The following CAMSAP2 variants were observed in gnomAD, a reference collection of about 807,000 sequenced individuals.
CAMSAP2 encodes calmodulin regulated spectrin associated protein family member 2, also known as calmodulin-regulated spectrin-associated protein 2.
A neutral mutation model predicts 146.1 loss-of-function variants in CAMSAP2; 26 were observed. That is an observed-to-expected ratio of 0.18 (90% CI 0.13 to 0.25). The LOEUF is 0.25. Ranked by LOEUF, CAMSAP2 falls within the 10% of genes least tolerant of loss-of-function variation. The pLI is 1.00. For missense variants in CAMSAP2, 1,381 were observed against 1,759.3 expected, an observed-to-expected ratio of 0.78 and a Z score of 3.85; for synonymous variants, 499 against 596.6, an observed-to-expected ratio of 0.84 and a Z score of 2.38.
At chr1:200,793,485 C>T (rs1023738262) in intron 2 of CAMSAP2, among the ~76,000 whole-genome samples, 1 of 151,892 alleles carries the variant, frequency 6.6e-6, no homozygotes. Flanking sequence ...AAAAGAAATA[C>T]AATTATTTTT....
intron 2 of CAMSAP2, among the ~76,000 whole-genome samples, chr1:200,800,684 G>T (rs1303458520): frequency 6.6e-6 from 1 of 152,132 alleles, no homozygotes; most frequent in African/African-American, 2.4e-5. Context: ...ATATTGTTAT[G>T]TGTGAATTTT....
intron 2 of CAMSAP2, among the ~76,000 whole-genome samples, chr1:200,798,076 C>T (rs1230260966): frequency 6.7e-6 from 1 of 149,044 alleles, no homozygotes; most frequent in Non-Finnish European, 1.5e-5. Context: ...TTACTGTAGC[C>T]TTGTAGTATA....
chr1:200,845,291 A>ATCACAGTG (rs1667433304), intron 8 of CAMSAP2, among the ~76,000 whole-genome samples: 1 of 150,832 alleles, frequency 6.6e-6, no homozygotes, highest in Non-Finnish European at 1.5e-5. Flanking sequence ...CTATTGAGAG[A>ATCACAGTG]TCACAGTGTT....
chr1:200,743,350 C>G lies in CAMSAP2; in HGVS notation c.139+3384C>G, dbSNP rs1014963052. Reference sequence around the variant, plus strand: ...TTAGTTTAGTGATATAAAATATTTCCTATCATAAATATACCTTGTTACATT... The same window carrying G: ...TTAGTTTAGTGATATAAAATATTTCGTATCATAAATATACCTTGTTACATT... On this transcript the variant is annotated intron_variant, in intron 1 of 16. Coordinates refer to ENST00000358823, the MANE Select transcript of CAMSAP2 (RefSeq NM_203459.4). 4.3e-4 allele frequency among the ~76,000 whole-genome samples: 66 copies of G among 152,216 alleles called. 1 individual carries two copies. Among genetic ancestry groups the G allele is most frequent in the African/African-American group, 1.5e-3 (64 of 41,520 alleles).
intron 4 of CAMSAP2, among the ~76,000 whole-genome samples, chr1:200,825,389 C>T (rs775358626): frequency 6.6e-6 from 1 of 152,190 alleles, no homozygotes; most frequent in African/African-American, 2.4e-5. Flanking sequence ...GTTTCTCCTC[C>T]TTTCTAGCAC....
At chr1:200,791,653 T>C (rs1665756723) in intron 2 of CAMSAP2, among the ~76,000 whole-genome samples, 1 of 152,216 alleles carries the variant, frequency 6.6e-6, no homozygotes, top group Non-Finnish European at 1.5e-5. Flanking sequence ...TGTGGTCCCT[T>C]TCAAAGATGT....
Position 200,832,726 on chromosome 1 carries a change from A to G in CAMSAP2, c.808A>G (p.Met270Val), listed in dbSNP as rs1344617184. 2.5e-6 allele frequency: 4 copies of G among 1,601,750 alleles called. No homozygotes were observed. The highest frequency in any genetic ancestry group is 2.2e-5 in the East Asian group (1 of 44,622). Residue 270 changes from methionine (M) to valine (V), a missense_variant, in exon 6 of 17, where the codon ATG (methionine) becomes GTG (valine). Transcript: ENST00000358823. The surrounding 1 kb of genome is among the most constrained non-coding windows in gnomAD (Gnocchi z 4.2). ...TGAAGATATTTGTTTGAAAGAAACT[A>G]TGTCTTTGGCTGATAGCCTGTATAA... The part of the protein sequence containing the change: ...RLEDICLKET[M>V]SLADSLYNLQ...
At chr1:200,834,766 G>A (rs758935974) in intron 6 of CAMSAP2, among the ~76,000 whole-genome samples, 5 of 152,134 alleles carry the variant, frequency 3.3e-5, no homozygotes, top group Non-Finnish European at 7.4e-5. Flanking sequence ...AATAAAGTTA[G>A]CCAGGCGTGA....
intron 1 of CAMSAP2, among the ~76,000 whole-genome samples, chr1:200,753,298 CA>C (rs35626597): frequency 0.38 from 38,309 of 101,262 alleles, 5,919 homozygotes; most frequent in East Asian, 0.55. Context: ...AACTCCATCT[CA>C]AAAAAAAAAA....
chr1:200,824,702 G>C (rs780383031), intron 4 of CAMSAP2, among the ~76,000 whole-genome samples: 1 of 152,176 alleles, frequency 6.6e-6, no homozygotes, highest in Non-Finnish European at 1.5e-5. Flanking sequence ...CTACTGGCCG[G>C]GCATGGTGGC....
At chr1:200,806,054 CATGTT>C (rs1189971072) in intron 2 of CAMSAP2, among the ~76,000 whole-genome samples, 7 of 151,998 alleles carry the variant, frequency 4.6e-5, no homozygotes, top group African/African-American at 1.7e-4. Flanking sequence ...CCTTTATAAA[CATGTT>C]ATCAACTCCA....
chr1:200,807,545 T>C lies in CAMSAP2; in HGVS notation c.561+8T>C, dbSNP rs563943498. 10 of 1,566,122 alleles carry C rather than the reference T, an allele frequency of 6.4e-6. No individual in the cohort carries two copies. In the East Asian group the frequency reaches 2.3e-4, roughly 36 times the overall value. ...ATGTACTGGATAAATAAGGTAGGAT[T>C]ATACTCACTTGAGTAAATCGCATCT... is the stretch of plus-strand genomic sequence containing the variant. On this transcript the variant is annotated splice_region_variant and intron_variant, in intron 3 of 16. Coordinates refer to ENST00000358823, the MANE Select transcript of CAMSAP2 (RefSeq NM_203459.4).
In CAMSAP2 at chr1:200,850,967, C is replaced by T. The variant is rs145039428; in HGVS notation, c.3465+733C>T. 1.6e-3 allele frequency among the ~76,000 whole-genome samples: 243 copies of T among 152,320 alleles called. 1 individual carries two copies. Among genetic ancestry groups the T allele is most frequent in the African/African-American group, 5.8e-3 (241 of 41,574 alleles). ...GAACCTAAATCTTTTTGTCTAGCTT[C>T]TTCCCCATAATTTTATTTTGTATTG... On this transcript the variant is annotated intron_variant, in intron 11 of 16. Coordinates refer to ENST00000358823, the MANE Select transcript of CAMSAP2 (RefSeq NM_203459.4).
intron 6 of CAMSAP2, among the ~76,000 whole-genome samples, chr1:200,837,316 C>T (rs1485010084): frequency 1.3e-5 from 2 of 151,968 alleles, no homozygotes; most frequent in Non-Finnish European, 2.9e-5. Flanking sequence ...ATGGCTAGAC[C>T]GTTATCCCAG....
At position 200,813,124 on chromosome 1, in the gene CAMSAP2, T is replaced by A. The variant is rs143371008; in HGVS notation, c.562-2437T>A. Among the ~76,000 whole-genome samples, 130 of 152,350 alleles carry A rather than the reference T, an allele frequency of 8.5e-4. 2 individuals carry two copies. The East Asian group carries it at 0.024, about 28-fold the overall frequency. On this transcript the variant is annotated intron_variant, in intron 3 of 16. Transcript: ENST00000358823. ...GTTCTGAAAGCTGGGAATTCCCAGA[T>A]CAAGGTGCCAGCAGATTCAGTTTTT... is the stretch of plus-strand genomic sequence containing the variant.
intron 2 of CAMSAP2, among the ~76,000 whole-genome samples, chr1:200,775,557 T>G (rs1466342553): frequency 1.3e-5 from 2 of 152,090 alleles, no homozygotes; most frequent in Non-Finnish European, 2.9e-5. Context: ...TGAGATGGAG[T>G]CTCACTCTGT....
intron 4 of CAMSAP2, among the ~76,000 whole-genome samples, chr1:200,821,766 T>C (rs1236718229): frequency 6.6e-6 from 1 of 152,178 alleles, no homozygotes; most frequent in African/African-American, 2.4e-5. Context: ...TGTTCTATTA[T>C]TAACTCATTT....
intron 9 of CAMSAP2, 24 bp downstream of exon 9, chr1:200,847,316 G>A: frequency 1.3e-6 from 2 of 1,504,000 alleles, no homozygotes; most frequent in Non-Finnish European, 1.8e-6. Context: ...AAAAGCCTAG[G>A]AAAATACTCT....
chr1:200,825,846 T>C (rs1666892168), intron 4 of CAMSAP2, among the ~76,000 whole-genome samples: 1 of 152,224 alleles, frequency 6.6e-6, no homozygotes, highest in African/African-American at 2.4e-5. Flanking sequence ...GCCTTGTGAA[T>C]ATGTGCCATA....
Sources: allele counts gnomAD v4.1 joint callset (sites outside exome capture counted in the v4.1 genomes callset), GRCh38; gene constraint gnomAD v4.1.1; non-coding constraint Gnocchi (gnomAD v3.1); transcripts MANE v1.5; gene names NCBI Gene and HGNC (gene_info 2026-07-23, HGNC 2026-07-21).